CSMD1: variants seen among roughly 807,000 people sequenced by gnomAD.
CSMD1 encodes the protein CUB and Sushi multiple domains 1, also known as CUB and sushi domain-containing protein 1.
In CSMD1, 213 loss-of-function variants were observed where a neutral mutation model predicts 417.5. The ratio of observed to expected loss-of-function variants is 0.51; its 90% CI spans 0.46 to 0.57. The LOEUF (loss-of-function observed/expected upper bound fraction) is 0.57, where lower values mean the gene tolerates loss of function less well. Among genes scored for constraint, CSMD1 ranks in the 20% least tolerant of loss-of-function variants. CSMD1 has a pLI of 0.00. For synonymous variants in CSMD1, 2,862 were observed against 1,736.8 expected (o/e 1.65, Z -16.11); for missense variants, 6,923 against 4,529.7 (o/e 1.53, Z -15.17).
chr8:4,043,678 T>A (rs573825325), intron 3 of CSMD1, among the ~76,000 whole-genome samples: 1 of 152,188 alleles, frequency 6.6e-6, no homozygotes, highest in Non-Finnish European at 1.5e-5. Flanking sequence ...AACCATACAT[T>A]TATTTCAGTG....
At chr8:4,279,656 T>TA (rs900217163) in intron 3 of CSMD1, among the ~76,000 whole-genome samples, 1 of 152,228 alleles carries the variant, frequency 6.6e-6, no homozygotes, top group Non-Finnish European at 1.5e-5. Flanking sequence ...TCGAGTATCT[T>TA]AACCCTGTTC....
At chr8:4,094,585 C>A (rs1800900763) in intron 3 of CSMD1, among the ~76,000 whole-genome samples, 1 of 152,088 alleles carries the variant, frequency 6.6e-6, no homozygotes, top group Non-Finnish European at 1.5e-5. Context: ...TAATGGAGCA[C>A]CGTGCTGTGC....
At chr8:3,735,740 C>A (rs1041160428) in intron 6 of CSMD1, among the ~76,000 whole-genome samples, 5 of 152,210 alleles carry the variant, frequency 3.3e-5, no homozygotes, top group African/African-American at 1.2e-4. Flanking sequence ...CAAGGCCTAC[C>A]ACACCTCTAG....
At chr8:4,448,812 A>T (rs1798965271) in intron 2 of CSMD1, among the ~76,000 whole-genome samples, 1 of 152,188 alleles carries the variant, frequency 6.6e-6, no homozygotes, top group African/African-American at 2.4e-5. Context: ...CAGAAACCTA[A>T]TTCTGGGACA....
At chr8:2,969,164 A>G (rs1585069217) in intron 57 of CSMD1, among the ~76,000 whole-genome samples, 1 of 152,132 alleles carries the variant, frequency 6.6e-6, no homozygotes, top group African/African-American at 2.4e-5. Flanking sequence ...TTACCAAATT[A>G]CCCACGCTAT....
intron 5 of CSMD1, among the ~76,000 whole-genome samples, chr8:3,825,706 C>A (rs1279342724): frequency 2.6e-5 from 4 of 152,102 alleles, no homozygotes; most frequent in Admixed American, 6.6e-5. Context: ...GACATAGTAG[C>A]TAGCTAAGGA....
chr8:3,359,664 T>C (rs921233742), intron 20 of CSMD1, among the ~76,000 whole-genome samples: 4 of 152,040 alleles, frequency 2.6e-5, no homozygotes, highest in African/African-American at 9.7e-5. Flanking sequence ...AGAAGGAATA[T>C]GTTCTAATAC....
intron 1 of CSMD1, among the ~76,000 whole-genome samples, chr8:4,971,636 GTA>G (rs1251562610): frequency 2.6e-5 from 4 of 151,578 alleles, no homozygotes; most frequent in Middle Eastern, 3.4e-3. Flanking sequence ...GCATCAAAAT[GTA>G]TAGTCTTATT....
chr8:3,344,685 TG>T (rs1465294026), intron 22 of CSMD1, among the ~76,000 whole-genome samples: 3 of 152,254 alleles, frequency 2.0e-5, no homozygotes, highest in Non-Finnish European at 4.4e-5. Context: ...CCAATGTGTT[TG>T]TCTATTTTCC....
chr8:3,753,799 A>C (rs189269785), intron 6 of CSMD1, 131 bp downstream of exon 6: 2 of 582,828 alleles, frequency 3.4e-6, no homozygotes, highest in African/African-American at 3.8e-5. Context: ...ATTTCCAAAG[A>C]TAACTGTGAA....
intron 3 of CSMD1, among the ~76,000 whole-genome samples, chr8:4,079,980 G>T (rs1300653258): frequency 1.3e-5 from 2 of 150,742 alleles, no homozygotes; most frequent in African/African-American, 2.4e-5. Context: ...TAAAGATTAA[G>T]AAAATTATGT....
intron 2 of CSMD1, among the ~76,000 whole-genome samples, chr8:4,500,963 G>A (rs1000623213): frequency 2.6e-5 from 4 of 151,966 alleles, no homozygotes; most frequent in Non-Finnish European, 2.9e-5. Flanking sequence ...TTGACCCTTT[G>A]ATTTGTATGC....
chr8:3,159,323 C>A (rs926372529), intron 38 of CSMD1, among the ~76,000 whole-genome samples: 1 of 152,034 alleles, frequency 6.6e-6, no homozygotes, highest in African/African-American at 2.4e-5. Flanking sequence ...AAGATAGGAC[C>A]CTGTGCATTT....
intron 18 of CSMD1, among the ~76,000 whole-genome samples, chr8:3,374,731 T>C (rs1159962257): frequency 6.6e-6 from 1 of 152,158 alleles, no homozygotes; most frequent in African/African-American, 2.4e-5. Context: ...GAGGTTTCTC[T>C]GCCAACTCAT....
chr8:4,567,133 G>C (rs1339746173), intron 2 of CSMD1, among the ~76,000 whole-genome samples: 1 of 152,142 alleles, frequency 6.6e-6, no homozygotes, highest in Non-Finnish European at 1.5e-5. Flanking sequence ...CAGCATCACA[G>C]CCCTACTCAG....
At chr8:3,533,247 G>T (rs1798054174) in intron 10 of CSMD1, among the ~76,000 whole-genome samples, 1 of 152,108 alleles carries the variant, frequency 6.6e-6, no homozygotes, top group Non-Finnish European at 1.5e-5. Flanking sequence ...TATTGATAAG[G>T]ATAGATTACA....
intron 5 of CSMD1, among the ~76,000 whole-genome samples, chr8:3,765,827 G>A (rs1563057266): frequency 6.6e-6 from 1 of 152,130 alleles, no homozygotes; most frequent in South Asian, 2.1e-4. Context: ...ATCCAGTGGG[G>A]ACACACCTTC....
At chr8:4,962,273 C>A (rs1225519855) in intron 1 of CSMD1, among the ~76,000 whole-genome samples, 2 of 151,914 alleles carry the variant, frequency 1.3e-5, no homozygotes, top group African/African-American at 4.8e-5. Flanking sequence ...TACAGTGTCA[C>A]AGTCATAGCT....
At chr8:4,479,370 A>G (rs1387532152) in intron 2 of CSMD1, among the ~76,000 whole-genome samples, 1 of 152,202 alleles carries the variant, frequency 6.6e-6, no homozygotes, top group Non-Finnish European at 1.5e-5. Context: ...GTCCGGTTAC[A>G]AAATTGATTA....
Sources: gnomAD v4.1 joint callset for allele counts (sites outside exome capture counted in the v4.1 genomes callset) on GRCh38, gnomAD v4.1.1 for gene constraint, MANE v1.5 for transcripts, NCBI Gene and HGNC (gene_info 2026-07-23, HGNC 2026-07-21) for gene names.